The following RTN4RL1 variants were observed in gnomAD, a reference collection of about 807,000 sequenced individuals.
The protein encoded by RTN4RL1 is reticulon 4 receptor like 1.
Under a neutral mutation model 25.6 loss-of-function variants are expected in RTN4RL1, and 7 were observed. That is an observed-to-expected ratio of 0.27 (90% CI 0.16 to 0.51). The LOEUF is 0.51. RTN4RL1 is among the 20% of genes least tolerant of loss of function. The pLI, the probability that RTN4RL1 is intolerant of heterozygous loss-of-function variation, is 0.97. For synonymous variants in RTN4RL1, 297 were observed against 288.2 expected (o/e 1.03, Z -0.31); for missense variants, 500 against 615.6 (o/e 0.81, Z 1.99).
intron 1 of RTN4RL1, among the ~76,000 whole-genome samples, chr17:1,976,938 T>C (rs1298727231): frequency 6.6e-6 from 1 of 152,236 alleles, no homozygotes; most frequent in Admixed American, 6.5e-5. Context: ...AATGAGCCAG[T>C]CCAGGTACAG....
intron 1 of RTN4RL1, chr17:2,017,735 G>A (rs908499573): frequency 1.3e-5 from 2 of 152,156 alleles, no homozygotes; most frequent in Non-Finnish European, 2.9e-5. Context: ...CAACTCTTTT[G>A]CTGTGCCAGC....
chr17:1,988,502 G>A (rs1472953008), intron 1 of RTN4RL1, among the ~76,000 whole-genome samples: 1 of 114,600 alleles, frequency 8.7e-6, no homozygotes, highest in East Asian at 2.2e-4. Flanking sequence ...GAGAGACTCT[G>A]TCTCAAAAAA....
At chr17:1,986,434 G>C (rs748239420) in intron 1 of RTN4RL1, among the ~76,000 whole-genome samples, 1 of 152,084 alleles carries the variant, frequency 6.6e-6, no homozygotes, top group Non-Finnish European at 1.5e-5. Flanking sequence ...TTGGAAAAAG[G>C]CGTCTTTGTC....
chr17:2,006,830 G>A (rs1486719048), intron 1 of RTN4RL1, among the ~76,000 whole-genome samples: 2 of 151,410 alleles, frequency 1.3e-5, no homozygotes, highest in Non-Finnish European at 2.9e-5. Flanking sequence ...GTTTCGCCAT[G>A]TTGGCTGGTC....
intron 1 of RTN4RL1, among the ~76,000 whole-genome samples, chr17:2,021,648 G>A (rs1358725098): frequency 7.1e-6 from 1 of 140,308 alleles, no homozygotes. Context: ...TCCGCCTCCC[G>A]GGTTCAAGCA....
chr17:2,018,555 G>A lies in RTN4RL1; in HGVS notation c.13+6298C>T, dbSNP rs530216123. On this transcript the variant is annotated intron_variant, in intron 1 of 1. Transcript: ENST00000331238. ...CAGAAATGAATCAGCAGCGCCCAGC[G>A]CCCCACAAAACAAATGTCAGAGAAA... 6.6e-5 allele frequency among the ~76,000 whole-genome samples: 10 copies of A among 152,278 alleles called. No homozygotes were observed. The East Asian group carries it at 9.6e-4, about 15-fold the overall frequency.
chr17:1,979,097 A>G (rs2151315776), intron 1 of RTN4RL1, among the ~76,000 whole-genome samples: 1 of 152,364 alleles, frequency 6.6e-6, no homozygotes, highest in Admixed American at 6.5e-5. Context: ...ACACGGTGAA[A>G]CACCATCTCT....
At chr17:1,943,491 G>A (rs1915480048) in intron 1 of RTN4RL1, among the ~76,000 whole-genome samples, 1 of 152,180 alleles carries the variant, frequency 6.6e-6, no homozygotes, top group Admixed American at 6.5e-5. Context: ...TCTGGGTCTT[G>A]GAGACCGGTA....
intron 1 of RTN4RL1, among the ~76,000 whole-genome samples, chr17:1,971,811 C>A (rs887951388): frequency 7.3e-5 from 11 of 151,526 alleles, no homozygotes; most frequent in South Asian, 4.2e-4. Context: ...AAATACAAAA[C>A]ATTAGCCAGG....
chr17:1,951,476 G>C (rs972941769), intron 1 of RTN4RL1, among the ~76,000 whole-genome samples: 3 of 151,750 alleles, frequency 2.0e-5, no homozygotes, highest in Non-Finnish European at 4.4e-5. Flanking sequence ...TTTTGGGACA[G>C]AGTCTCGCTC....
chr17:1,938,337 C>G (rs1323404817), intron 1 of RTN4RL1, among the ~76,000 whole-genome samples: 1 of 151,874 alleles, frequency 6.6e-6, no homozygotes. Flanking sequence ...GAGTCTCACT[C>G]TGTTGCCCAG....
chr17:1,986,741 T>C (rs1383658994), intron 1 of RTN4RL1, among the ~76,000 whole-genome samples: 1 of 117,062 alleles, frequency 8.5e-6, no homozygotes, highest in Admixed American at 7.9e-5. Flanking sequence ...TTTGTTGTAA[T>C]AGCCATTAAA....
At chr17:1,950,520 T>C (rs1915650785) in intron 1 of RTN4RL1, among the ~76,000 whole-genome samples, 1 of 151,872 alleles carries the variant, frequency 6.6e-6, no homozygotes, top group African/African-American at 2.4e-5. Flanking sequence ...GGCTGTACAC[T>C]CAAGAGCTGT....
intron 1 of RTN4RL1, among the ~76,000 whole-genome samples, chr17:1,969,087 C>T (rs1269401241): frequency 2.1e-5 from 2 of 94,010 alleles, no homozygotes; most frequent in African/African-American, 4.1e-5. Flanking sequence ...GAGATGGAGT[C>T]TCACTCTGTC....
intron 1 of RTN4RL1, among the ~76,000 whole-genome samples, chr17:2,011,813 C>T (rs11078769): frequency 0.3 from 45,455 of 152,058 alleles, 7,318 homozygotes; most frequent in East Asian, 0.55. Flanking sequence ...CCGGGGCTAA[C>T]TGCCACCCCA....
rs2067003124 is a variant in RTN4RL1, at chr17:2,007,209, TCCAG to T, written c.13+17640_13+17643del. Among the ~76,000 whole-genome samples, 4 of 151,716 alleles carry T rather than the reference TCCAG, an allele frequency of 2.6e-5. No individual in the cohort carries two copies. The South Asian group carries it at 8.4e-4, about 32-fold the overall frequency. ...GCAAGGGGTACGCCTTTCCTCATAC[TCCAG>T]CCACAGTTTTCTGATGCCACAAGCC... On this transcript the variant is annotated intron_variant, in intron 1 of 1. Coordinates refer to ENST00000331238, the MANE Select transcript of RTN4RL1 (RefSeq NM_178568.4).
intron 1 of RTN4RL1, among the ~76,000 whole-genome samples, chr17:1,948,683 C>T (rs552362760): frequency 5.3e-5 from 8 of 152,138 alleles, no homozygotes; most frequent in Admixed American, 3.9e-4. Flanking sequence ...GCAGGGGTTA[C>T]CTCCGTGGCG....
intron 1 of RTN4RL1, among the ~76,000 whole-genome samples, chr17:1,959,556 A>G (rs560839826): frequency 1.3e-5 from 2 of 151,970 alleles, no homozygotes; most frequent in South Asian, 4.2e-4. Context: ...TCCAGGCCCA[A>G]GTCTTTGTTT....
In RTN4RL1 at chr17:1,998,235, A is replaced by G. The variant is rs1392133655; in HGVS notation, c.13+26618T>C. On this transcript the variant is annotated intron_variant, in intron 1 of 1. Transcript: ENST00000331238. This position sits in a 1 kb window ranked among gnomAD's most constrained non-coding sequence, Gnocchi z 4.9. ...AGGGGCGGGGAGGGCTGTCGCATTGATCCGGAGCTGCAGGGCGAGGGCGGT... is the reference window on the plus strand; with the variant it reads ...AGGGGCGGGGAGGGCTGTCGCATTGGTCCGGAGCTGCAGGGCGAGGGCGGT... 6.6e-6 allele frequency among the ~76,000 whole-genome samples: 1 copy of G among 152,000 alleles called. No homozygotes were observed. Among genetic ancestry groups the G allele is most frequent in the Non-Finnish European group, 1.5e-5 (1 of 67,960 alleles).
Sources: allele counts gnomAD v4.1 joint callset (sites outside exome capture counted in the v4.1 genomes callset), GRCh38; gene constraint gnomAD v4.1.1; non-coding constraint Gnocchi (gnomAD v3.1); transcripts MANE v1.5; gene names NCBI Gene and HGNC (gene_info 2026-07-23, HGNC 2026-07-21).